GRK5: variants seen among roughly 807,000 people sequenced by gnomAD.
GRK5 encodes the protein G protein-coupled receptor kinase 5, also known as g protein-coupled receptor kinase GRK5.
Under a neutral mutation model 78.4 loss-of-function variants are expected in GRK5, and 40 were observed. That is an observed-to-expected ratio of 0.51 (90% CI 0.40 to 0.66). The LOEUF is 0.66. GRK5 is among the 30% of genes least tolerant of loss of function. GRK5 has a pLI of 0.00. For synonymous variants in GRK5, 289 were observed against 296.8 expected, an observed-to-expected ratio of 0.97 and a Z score of 0.27; for missense variants, 598 against 759.9, an observed-to-expected ratio of 0.79 and a Z score of 2.50.
At chr10:119,399,281 C>T (rs772452627) in intron 4 of GRK5, among the ~76,000 whole-genome samples, 1 of 152,242 alleles carries the variant, frequency 6.6e-6, no homozygotes, top group Non-Finnish European at 1.5e-5. Flanking sequence ...CTACAATAAA[C>T]TTTGCACTGC....
At chr10:119,337,848 C>G (rs1850918786) in intron 2 of GRK5, among the ~76,000 whole-genome samples, 1 of 152,084 alleles carries the variant, frequency 6.6e-6, no homozygotes, top group African/African-American at 2.4e-5. Context: ...TTTTGAACTC[C>G]TGATCTCAGG....
chr10:119,276,744 A>C (rs1012698957), intron 1 of GRK5, among the ~76,000 whole-genome samples: 7 of 152,218 alleles, frequency 4.6e-5, no homozygotes. Flanking sequence ...ACATTTTAGC[A>C]ACACAGCTGG....
At chr10:119,226,242 A>T (rs1402537098) in intron 1 of GRK5, among the ~76,000 whole-genome samples, 7 of 147,732 alleles carry the variant, frequency 4.7e-5, no homozygotes, top group Admixed American at 1.4e-4. Flanking sequence ...CTCCCCAAAG[A>T]GCTGGGATTA....
intron 1 of GRK5, among the ~76,000 whole-genome samples, chr10:119,248,553 G>A (rs1430341598): frequency 1.3e-5 from 2 of 152,104 alleles, no homozygotes; most frequent in Non-Finnish European, 2.9e-5. Context: ...AATGTGCCTT[G>A]TGGAGCTTAG....
Position 119,271,382 on chromosome 10 carries a change from C to T in GRK5, c.53-55134C>T, listed in dbSNP as rs1849581048. On this transcript the variant is annotated intron_variant, in intron 1 of 15. Transcript: ENST00000392870. The surrounding 1 kb of genome is among the most constrained non-coding windows in gnomAD (Gnocchi z 4.1). ...AGTTCTCTGCATAGCCTTTTGCCTT[C>T]TATTGTTTGCTGTCCCAGAGACTGG... is the stretch of plus-strand genomic sequence containing the variant. 6.6e-6 allele frequency among the ~76,000 whole-genome samples: 1 copy of T among 152,236 alleles called. No homozygotes were observed. The highest frequency in any genetic ancestry group is 2.4e-5 in the African/African-American group (1 of 41,464).
intron 1 of GRK5, among the ~76,000 whole-genome samples, chr10:119,274,631 G>A (rs551474113): frequency 1.3e-5 from 2 of 152,338 alleles, no homozygotes; most frequent in African/African-American, 4.8e-5. Context: ...TGCAGGTGCA[G>A]GCTGGGTATT....
intron 4 of GRK5, among the ~76,000 whole-genome samples, chr10:119,420,951 G>A (rs1852558811): frequency 6.6e-6 from 1 of 152,140 alleles, no homozygotes; most frequent in African/African-American, 2.4e-5. Context: ...GTAAGGGTGG[G>A]TCCTTCCTAG....
chr10:119,438,838 A>C (rs553210561), intron 9 of GRK5, among the ~76,000 whole-genome samples: 1 of 152,264 alleles, frequency 6.6e-6, no homozygotes, highest in South Asian at 2.1e-4. Flanking sequence ...ACAGCAACAA[A>C]AGTATTTTAT....
intron 15 of GRK5, 113 bp downstream of exon 15, chr10:119,453,389 G>A: frequency 7.9e-7 from 1 of 1,262,462 alleles, no homozygotes; most frequent in South Asian, 1.3e-5. Flanking sequence ...GGAAGTCTGG[G>A]GCAGTAGCAG....
chr10:119,294,151 G>A (rs996863765), intron 1 of GRK5, among the ~76,000 whole-genome samples: 1 of 152,178 alleles, frequency 6.6e-6, no homozygotes, highest in African/African-American at 2.4e-5. Context: ...CTGGGTGAGA[G>A]GCATGTGTGG....
chr10:119,236,436 G>A (rs933729466), intron 1 of GRK5, among the ~76,000 whole-genome samples: 5 of 152,148 alleles, frequency 3.3e-5, no homozygotes, highest in East Asian at 3.9e-4. Flanking sequence ...GGATGGTCTC[G>A]ATCTCCCGAT....
intron 1 of GRK5, among the ~76,000 whole-genome samples, chr10:119,276,997 T>G (rs186627830): frequency 2.0e-5 from 3 of 152,248 alleles, no homozygotes; most frequent in Non-Finnish European, 4.4e-5. Flanking sequence ...AATATATCCC[T>G]ATATCCATGC....
At position 119,327,752 on chromosome 10, in the gene GRK5, T is replaced by G. The variant is rs1344574399; in HGVS notation, c.148+1141T>G. 7.2e-5 allele frequency among the ~76,000 whole-genome samples: 11 copies of G among 152,072 alleles called. 2 individuals carry two copies. ...TCAGTCCACACTCCATGTTTATAGG[T>G]GATAGGAGGCCATCTGTGCCCCGCC... On this transcript the variant is annotated intron_variant, in intron 2 of 15. Transcript: ENST00000392870.
Position 119,412,623 on chromosome 10 carries a change from G to C in GRK5, c.340-10543G>C, listed in dbSNP as rs1282055223. On this transcript the variant is annotated intron_variant, in intron 4 of 15. Transcript: ENST00000392870. This position sits in a 1 kb window ranked among gnomAD's most constrained non-coding sequence, Gnocchi z 4.3. ...AAGGAACCACTCCAGACGGACGTGAGGGTGTGTGGCAGTGGCTTTTCCACA... is the reference window on the plus strand; with the variant it reads ...AAGGAACCACTCCAGACGGACGTGACGGTGTGTGGCAGTGGCTTTTCCACA... Among the ~76,000 whole-genome samples, 1 of 152,212 alleles carries C rather than the reference G, an allele frequency of 6.6e-6. No homozygotes were observed. The highest frequency in any genetic ancestry group is 1.9e-4 in the East Asian group (1 of 5,200).
chr10:119,324,197 G>A (rs936954852), intron 1 of GRK5, among the ~76,000 whole-genome samples: 1 of 152,244 alleles, frequency 6.6e-6, no homozygotes, highest in Non-Finnish European at 1.5e-5. Flanking sequence ...AGAGAGAATA[G>A]CAAGAGCCAG....
At chr10:119,415,291 C>T (rs991006300) in intron 4 of GRK5, among the ~76,000 whole-genome samples, 3 of 151,904 alleles carry the variant, frequency 2.0e-5, no homozygotes, top group East Asian at 1.9e-4. Context: ...TGGGAAGGAA[C>T]GAAGGGACCA....
At chr10:119,350,542 C>G (rs956704366) in intron 2 of GRK5, among the ~76,000 whole-genome samples, 1 of 152,210 alleles carries the variant, frequency 6.6e-6, no homozygotes, top group Non-Finnish European at 1.5e-5. Flanking sequence ...GTCACCACCT[C>G]TTGCTTTGCG....
intron 8 of GRK5, among the ~76,000 whole-genome samples, chr10:119,435,113 C>T (rs983254668): frequency 9.2e-5 from 14 of 152,304 alleles, no homozygotes; most frequent in Non-Finnish European, 5.9e-5. Context: ...GCACACAGCA[C>T]GGGGACCCTG....
At chr10:119,447,969 C>T (rs1055339394) in intron 12 of GRK5, among the ~76,000 whole-genome samples, 154 bp from the exon 13 acceptor site, 2 of 152,194 alleles carry the variant, frequency 1.3e-5, no homozygotes, top group African/African-American at 2.4e-5. Flanking sequence ...CACAGATGCA[C>T]GCCAAGACTC....
Sources: allele counts gnomAD v4.1 joint callset (sites outside exome capture counted in the v4.1 genomes callset), GRCh38; gene constraint gnomAD v4.1.1; non-coding constraint Gnocchi (gnomAD v3.1); transcripts MANE v1.5; gene names NCBI Gene and HGNC (gene_info 2026-07-23, HGNC 2026-07-21).